DDC: variants seen among roughly 807,000 people sequenced by gnomAD.
DDC encodes dopa decarboxylase.
A neutral mutation model predicts 60.0 loss-of-function variants in DDC; 43 were observed. The ratio of observed to expected loss-of-function variants is 0.72; its 90% CI spans 0.56 to 0.92. The LOEUF (loss-of-function observed/expected upper bound fraction) is 0.92, where lower values mean the gene tolerates loss of function less well. Ranked by LOEUF, DDC falls within the 40% of genes least tolerant of loss-of-function variation. The pLI, the probability that DDC is intolerant of heterozygous loss-of-function variation, is 0.00. For synonymous variants in DDC, 232 were observed against 234.6 expected (o/e 0.99, Z 0.10); for missense variants, 573 against 620.2 (o/e 0.92, Z 0.81).
intron 13 of DDC, among the ~76,000 whole-genome samples, chr7:50,465,373 C>T (rs757209106): frequency 1.5e-4 from 23 of 152,104 alleles, no homozygotes; most frequent in Non-Finnish European, 2.2e-4. Context: ...AATACTCAAA[C>T]GTAGCCTTTT....
intron 6 of DDC, among the ~76,000 whole-genome samples, chr7:50,512,692 G>T (rs2043613471): frequency 6.6e-6 from 1 of 152,220 alleles, no homozygotes; most frequent in Non-Finnish European, 1.5e-5. Context: ...CAGGTGCAAA[G>T]AGGTGGTGGC....
At chr7:50,558,077 A>ACC (rs60312959) in intron 1 of DDC, among the ~76,000 whole-genome samples, 7 of 148,140 alleles carry the variant, frequency 4.7e-5, no homozygotes, top group African/African-American at 1.5e-4. Flanking sequence ...TTCAGAAATC[A>ACC]CCCCCCCCCT....
At position 50,518,279 on chromosome 7, in the gene DDC, G is replaced by A. The variant is rs555303788; in HGVS notation, c.714+9858C>T. On this transcript the variant is annotated intron_variant, in intron 6 of 14. Coordinates refer to ENST00000444124, the MANE Select transcript of DDC (RefSeq NM_001082971.2). Reference sequence around the variant, plus strand: ...AAACACATTCCATGCTCATTAATGGGTAGAATCAATATTGTGAAAATGACC... The same window carrying A: ...AAACACATTCCATGCTCATTAATGGATAGAATCAATATTGTGAAAATGACC... Among the ~76,000 whole-genome samples the A allele has an allele frequency of 2.6e-5, 4 of 151,658 alleles. No homozygotes were observed. In the South Asian group the frequency reaches 6.3e-4, roughly 24 times the overall value.
intron 1 of DDC, among the ~76,000 whole-genome samples, chr7:50,556,562 C>A (rs1465313602): frequency 6.6e-6 from 1 of 152,144 alleles, no homozygotes; most frequent in Non-Finnish European, 1.5e-5. Flanking sequence ...ATCCTAGGCA[C>A]CACACAAAAC....
At chr7:50,475,945 C>G (rs1012342570) in intron 11 of DDC, among the ~76,000 whole-genome samples, 1 of 152,144 alleles carries the variant, frequency 6.6e-6, no homozygotes, top group Admixed American at 6.5e-5. Context: ...CCACCTCAGC[C>G]TCTCAAAGTG....
At chr7:50,527,562 C>T (rs2044072309) in intron 6 of DDC, 1 of 153,876 alleles carries the variant, frequency 6.5e-6, no homozygotes, top group Non-Finnish European at 1.4e-5. Context: ...TGTTCAGTGC[C>T]AGGCACTGTT....
At chr7:50,506,365 G>A (rs2043395378) in intron 6 of DDC, among the ~76,000 whole-genome samples, 1 of 152,170 alleles carries the variant, frequency 6.6e-6, no homozygotes, top group South Asian at 2.1e-4. Flanking sequence ...GGGGTGGCAG[G>A]AGTGGGGAGG....
chr7:50,492,671 C>A, intron 9 of DDC: 1 of 1,308,062 alleles, frequency 7.6e-7, no homozygotes. Flanking sequence ...CGTTTAATTC[C>A]TTCTACAAGG....
chr7:50,499,429 G>A (rs925870855), intron 7 of DDC, among the ~76,000 whole-genome samples, 187 bp from the exon 8 acceptor site: 3 of 152,156 alleles, frequency 2.0e-5, no homozygotes, highest in African/African-American at 7.2e-5. Flanking sequence ...TGTGTGTGCT[G>A]CTGGCCCCAG....
intron 7 of DDC, among the ~76,000 whole-genome samples, chr7:50,500,232 G>A (rs999883116): frequency 2.6e-5 from 4 of 151,946 alleles, no homozygotes; most frequent in East Asian, 1.9e-4. Context: ...TGGATTCACC[G>A]TTCACTCACC....
intron 4 of DDC, among the ~76,000 whole-genome samples, chr7:50,530,131 G>A (rs926118480): frequency 1.3e-5 from 2 of 151,918 alleles, no homozygotes; most frequent in Non-Finnish European, 2.9e-5. Context: ...TGGCGTGCCT[G>A]GTAGTCCCAG....
At chr7:50,515,961 A>G (rs2043716137) in intron 6 of DDC, among the ~76,000 whole-genome samples, 1 of 152,208 alleles carries the variant, frequency 6.6e-6, no homozygotes, top group Non-Finnish European at 1.5e-5. Flanking sequence ...TGAGATAGAC[A>G]GCAACACAAT....
chr7:50,463,167 C>T, intron 14 of DDC, 46 bp downstream of exon 14: 1 of 1,499,350 alleles, frequency 6.7e-7, no homozygotes, highest in South Asian at 1.2e-5. Flanking sequence ...GACACTCTTG[C>T]CACGGGACAA....
chr7:50,459,837 A>C lies in DDC; in HGVS notation c.*19-994T>G, dbSNP rs1279299558. ...GCCCCGTCCGGGAGGGAGGTGGGGG[A>C]ATCAGCCCCCGGCCCGGCCAGCCGC... On this transcript the variant is annotated intron_variant, in intron 14 of 14. Coordinates refer to ENST00000444124, the MANE Select transcript of DDC (RefSeq NM_001082971.2). Among the ~76,000 whole-genome samples, 6 of 92,718 alleles carry C rather than the reference A, an allele frequency of 6.5e-5. No individual in the cohort carries two copies. The East Asian group carries it at 1.0e-3, about 16-fold the overall frequency. 60.8% of individuals were successfully genotyped at this position (92,718 alleles called of 152,430 possible).
At chr7:50,471,869 G>A (rs535769804) in intron 11 of DDC, among the ~76,000 whole-genome samples, 67 of 152,246 alleles carry the variant, frequency 4.4e-4, no homozygotes, top group African/African-American at 1.4e-3. Context: ...GTAAAACGAC[G>A]CTTCCCTGCC....
At chr7:50,491,901 C>A (rs927687997) in intron 9 of DDC, among the ~76,000 whole-genome samples, 4 of 152,190 alleles carry the variant, frequency 2.6e-5, no homozygotes, top group African/African-American at 9.7e-5. Context: ...CACCCTGTTT[C>A]TGTGATTCCA....
chr7:50,534,744 C>A (rs988158340), intron 4 of DDC, among the ~76,000 whole-genome samples: 19 of 152,226 alleles, frequency 1.2e-4, no homozygotes, highest in African/African-American at 4.6e-4. Flanking sequence ...ACCATGCATG[C>A]CCTTGCCTGG....
intron 1 of DDC, among the ~76,000 whole-genome samples, chr7:50,558,629 T>G (rs1475997811): frequency 6.6e-6 from 1 of 152,084 alleles, no homozygotes; most frequent in Non-Finnish European, 1.5e-5. Context: ...GCCAGTAGAG[T>G]TATTGCTGTT....
chr7:50,494,411 C>T (rs920995810), intron 9 of DDC, among the ~76,000 whole-genome samples: 4 of 151,680 alleles, frequency 2.6e-5, no homozygotes, highest in Non-Finnish European at 4.4e-5. Context: ...GGCTGAGGCA[C>T]GAGAATGGCA....
Sources: gnomAD v4.1 joint callset for allele counts (sites outside exome capture counted in the v4.1 genomes callset) on GRCh38, gnomAD v4.1.1 for gene constraint, MANE v1.5 for transcripts, NCBI Gene and HGNC (gene_info 2026-07-23, HGNC 2026-07-21) for gene names.